The following ZNF695 variants were observed in gnomAD, a reference collection of about 807,000 sequenced individuals.
ZNF695 encodes the protein zinc finger protein SBZF3.
ZNF695 carries 11 observed loss-of-function variants against 11.2 expected under a neutral mutation model. The ratio of observed to expected loss-of-function variants is 0.98; its 90% CI spans 0.62 to 1.62. ZNF695 has a LOEUF of 1.62. Among genes scored for constraint, ZNF695 ranks in the 40% most tolerant of loss-of-function variants. The pLI is 0.00. For synonymous variants in ZNF695, 190 were observed against 201.4 expected, an observed-to-expected ratio of 0.94 and a Z score of 0.48; for missense variants, 559 against 590.5, an observed-to-expected ratio of 0.95 and a Z score of 0.55.
At chr1:246,999,289 TG>T in intron 3 of ZNF695, 58 bp downstream of exon 3, 1 of 1,394,154 alleles carries the variant, frequency 7.2e-7, no homozygotes, top group Non-Finnish European at 1.0e-6. Context: ...GTTTAAAGTC[TG>T]GCTTCTTCCT....
rs1396999477 is a variant in ZNF695 at position 246,987,058 on chromosome 1, T to A, written c.1457A>T (p.His486Leu). ...SSHLSKHKTIHTREKPYKCEE... is the reference protein window; with the variant it reads ...SSHLSKHKTILTREKPYKCEE... ...ACACTTGTATGGTTTCTCTCTGGTA[T>A]GAATTGTCTTATGTTTAGAAAGGTG... Residue 486 changes from histidine to leucine, a missense_variant, in exon 4 of 4, where the codon CAT (histidine) becomes CTT (leucine). Transcript: ENST00000339986. 1 of 1,613,978 alleles carries A rather than the reference T, an allele frequency of 6.2e-7. No homozygotes were observed. Among genetic ancestry groups the A allele is most frequent in the Non-Finnish European group, 8.5e-7 (1 of 1,179,986 alleles).
intron 5 of ZNF695, among the ~76,000 whole-genome samples, chr1:246,959,496 G>A (rs901214183): frequency 2.0e-5 from 3 of 148,102 alleles, no homozygotes; most frequent in Admixed American, 6.8e-5. Context: ...GCACAGTCTC[G>A]GCTCACTGCA....
downstream of ZNF695, among the ~76,000 whole-genome samples, chr1:246,984,917 G>A (rs1668809452): frequency 6.6e-6 from 1 of 152,116 alleles, no homozygotes; most frequent in South Asian, 2.1e-4. Flanking sequence ...GTTAGCTCTA[G>A]CATGAGCAAC....
chr1:246,957,644 T>G (rs1335653086), intron 5 of ZNF695, among the ~76,000 whole-genome samples: 2 of 151,066 alleles, frequency 1.3e-5, no homozygotes, highest in African/African-American at 4.9e-5. Context: ...GCAGATTGGG[T>G]TTTTTTTTGA....
At chr1:246,983,421 T>G (rs1668765021), downstream of ZNF695, among the ~76,000 whole-genome samples, 1 of 151,974 alleles carries the variant, frequency 6.6e-6, no homozygotes, top group African/African-American at 2.4e-5. Flanking sequence ...CCCAGGGAGC[T>G]AAGATGAGAG....
Position 247,006,492 on chromosome 1 carries a change from TC to T in ZNF695, c.3+1413del, listed in dbSNP as rs111284546. On this transcript the variant is annotated intron_variant, in intron 1 of 3. Transcript: ENST00000339986. Reference sequence around the variant, plus strand: ...CGGGCATGGTGGCGCCTGCCTGTATTCCCAGCTACCAGGAGGCTGACGCAGG... The same window carrying T: ...CGGGCATGGTGGCGCCTGCCTGTATTCCAGCTACCAGGAGGCTGACGCAGG... Among the ~76,000 whole-genome samples the T allele has an allele frequency of 2.9e-3, 448 of 152,042 alleles. 3 individuals are homozygous for T. The highest frequency in any genetic ancestry group is 1.0e-2 in the African/African-American group (413 of 41,482).
At position 246,987,606 on chromosome 1, in the gene ZNF695, T is replaced by C; in HGVS notation, c.909A>G (p.Lys303=). The C allele has an allele frequency of 6.2e-7, 1 of 1,602,192 alleles. No homozygotes were observed. Among genetic ancestry groups the C allele is most frequent in the Non-Finnish European group, 8.5e-7 (1 of 1,175,644 alleles). The change falls in exon 4 of 4, where the codon AAA becomes AAG. Residue 303 remains lysine (K), a synonymous_variant. Transcript: ENST00000339986. Reference sequence around the variant, plus strand: ...TAAGGTATGGGAACAACTTAAAGGATTTGCCACATTCTTCACATTTGTATG... The same window carrying C: ...TAAGGTATGGGAACAACTTAAAGGACTTGCCACATTCTTCACATTTGTATG... ...EKPYKCEECG[K]SFKLFPYLTQ...
At chr1:246,960,690 A>G (rs954324815) in intron 5 of ZNF695, among the ~76,000 whole-genome samples, 1 of 152,220 alleles carries the variant, frequency 6.6e-6, no homozygotes, top group African/African-American at 2.4e-5. Context: ...CTGTAATCCC[A>G]GCACTTTGGG....
At chr1:246,969,395 C>T (rs1018969715) in intron 4 of ZNF695, 2 of 152,246 alleles carry the variant, frequency 1.3e-5, no homozygotes, top group African/African-American at 4.8e-5. Flanking sequence ...ATAAGGTCCT[C>T]ATCTCCATCT....
At chr1:246,991,922 G>A (rs572410285) in intron 3 of ZNF695, among the ~76,000 whole-genome samples, 23 of 152,248 alleles carry the variant, frequency 1.5e-4, no homozygotes, top group Middle Eastern at 3.4e-3. Context: ...TAGGCCGGGC[G>A]CGGTGGCTCA....
chr1:246,947,181 G>GT (rs1262310347), intron 5 of ZNF695, among the ~76,000 whole-genome samples: 48 of 129,780 alleles, frequency 3.7e-4, no homozygotes, highest in Middle Eastern at 4.2e-3. Flanking sequence ...GGGTGATAGG[G>GT]TTTTTTATTT....
chr1:246,988,773 T>C (rs1428532488), intron 3 of ZNF695, among the ~76,000 whole-genome samples: 1 of 152,070 alleles, frequency 6.6e-6, no homozygotes, highest in African/African-American at 2.4e-5. Flanking sequence ...CTGACCAACA[T>C]AGAGAAATCC....
At position 246,958,159 on chromosome 1, in the gene ZNF695, C is replaced by T. The variant is rs534176907; in HGVS notation, c.488+9536G>A. Among the ~76,000 whole-genome samples the T allele has an allele frequency of 9.2e-5, 14 of 151,758 alleles. 1 individual carries two copies. The South Asian group carries it at 2.3e-3, about 25-fold the overall frequency. On this transcript the variant is annotated intron_variant, in intron 5 of 5. Coordinates refer to the ZNF695 transcript ENST00000487338. ...CTGCAAGCTCCGCCTCCCGGGTTCA[C>T]GCCATTCTCCTGCCTCAGCCTCCCG...
exon 6 of ZNF695, chr1:246,945,770 A>G: frequency 6.5e-7 from 1 of 1,550,346 alleles, no homozygotes; most frequent in Non-Finnish European, 8.7e-7. Flanking sequence ...ACTGTGTTCA[A>G]GCAGCGACGG....
chr1:246,950,511 C>T (rs890588068), intron 5 of ZNF695, among the ~76,000 whole-genome samples: 3 of 152,006 alleles, frequency 2.0e-5, no homozygotes, highest in Admixed American at 1.3e-4. Context: ...ATTAGCTGGG[C>T]GTGGTGGCAC....
chr1:246,994,851 AAACAAAAAAC>A (rs1477561137), intron 3 of ZNF695, among the ~76,000 whole-genome samples: 1 of 152,058 alleles, frequency 6.6e-6, no homozygotes, highest in Non-Finnish European at 1.5e-5. Flanking sequence ...ACAAAAACAA[AAACAAAAAAC>A]AAACAAACAA....
intron 1 of ZNF695, among the ~76,000 whole-genome samples, chr1:247,005,135 C>G: frequency 6.6e-6 from 1 of 152,004 alleles, no homozygotes; most frequent in East Asian, 1.9e-4. Context: ...CAAAGCCATC[C>G]TGAACAAAAA....
At chr1:246,976,436 C>T (rs192871049) in intron 4 of ZNF695, among the ~76,000 whole-genome samples, 83 of 152,270 alleles carry the variant, frequency 5.5e-4, no homozygotes, top group Non-Finnish European at 4.4e-4. Flanking sequence ...ATAAGACATT[C>T]TATTTCAGTG....
chr1:246,988,123 A>C lies in ZNF695; in HGVS notation c.392T>G (p.Val131Gly). ...KLRLRNDWEI[V>G]GEWKGQKASY... ...TGCCTTCTGCCCTTTCCACTCACCC[A>C]CAATTTCCCAGTCATTCCTTAAGCG... The change falls in exon 4 of 4, where the codon GTG becomes GGG. Residue 131 changes from valine (V) to glycine (G), a missense_variant. Transcript: ENST00000339986. 1 of 1,613,882 alleles carries C rather than the reference A, an allele frequency of 6.2e-7. No homozygotes were observed. Among genetic ancestry groups the C allele is most frequent in the Non-Finnish European group, 8.5e-7 (1 of 1,179,846 alleles).
Sources: gnomAD v4.1 joint callset for allele counts (sites outside exome capture counted in the v4.1 genomes callset) on GRCh38, gnomAD v4.1.1 for gene constraint, MANE v1.5 for transcripts, NCBI Gene and HGNC (gene_info 2026-07-23, HGNC 2026-07-21) for gene names.